Variants in ANKRD44 observed in about 807,000 individuals in gnomAD.
The protein encoded by ANKRD44 is serine/threonine-protein phosphatase 6 regulatory ankyrin repeat subunit B.
ANKRD44 carries 35 observed loss-of-function variants against 116.0 expected under a neutral mutation model. That is an observed-to-expected ratio of 0.30 (90% CI 0.23 to 0.40). The LOEUF (loss-of-function observed/expected upper bound fraction) is 0.40. ANKRD44 is among the 10% of genes least tolerant of loss of function. ANKRD44 has a pLI of 1.00. For synonymous variants in ANKRD44, 435 were observed against 461.8 expected (o/e 0.94, Z 0.74); for missense variants, 1,014 against 1,242.6 (o/e 0.82, Z 2.77).
At chr2:197,103,478 T>C (rs1574462259) in intron 9 of ANKRD44, among the ~76,000 whole-genome samples, 1 of 152,124 alleles carries the variant, frequency 6.6e-6, no homozygotes, top group Non-Finnish European at 1.5e-5. Flanking sequence ...GAAAACAGCC[T>C]GAACAAATTC....
At chr2:196,967,192 C>CCTT (rs1435056886) in exon 22 of ANKRD44, 1 of 228,350 alleles carries the variant, frequency 4.4e-6, no homozygotes, top group Non-Finnish European at 9.4e-6. Flanking sequence ...AACACCCTTG[C>CCTT]CTTCTGTTTT....
At chr2:196,997,924 C>T (rs1034374313) in intron 25 of ANKRD44, among the ~76,000 whole-genome samples, 2 of 152,118 alleles carry the variant, frequency 1.3e-5, no homozygotes, top group African/African-American at 4.8e-5. Flanking sequence ...GGCTGTGTTA[C>T]TACAATGTCT....
chr2:197,056,965 C>T (rs573888673), intron 16 of ANKRD44, among the ~76,000 whole-genome samples: 2 of 152,278 alleles, frequency 1.3e-5, no homozygotes, highest in African/African-American at 2.4e-5. Context: ...ACATTATTGG[C>T]GGGCCATTCT....
chr2:197,218,049 T>C (rs2081491385), intron 1 of ANKRD44, among the ~76,000 whole-genome samples: 1 of 151,988 alleles, frequency 6.6e-6, no homozygotes, highest in Non-Finnish European at 1.5e-5. Flanking sequence ...AAGATGAAAA[T>C]ACTAGAATAA....
intron 2 of ANKRD44, among the ~76,000 whole-genome samples, chr2:197,152,092 T>C (rs1324444200): frequency 6.6e-6 from 1 of 152,190 alleles, no homozygotes; most frequent in Non-Finnish European, 1.5e-5. Context: ...GCCTCTATCT[T>C]ACAGGCTGGC....
At position 197,001,781 on chromosome 2, in the gene ANKRD44, T is replaced by G. The variant is rs541599843; in HGVS notation, c.2407A>C (p.Asn803His). Residue 803 changes from asparagine (N) to histidine (H), a missense_variant, in exon 22 of 28, where the codon AAT (asparagine) becomes CAT (histidine). By Grantham distance (68) the Asn-to-His change is moderately conservative. Transcript: ENST00000282272. ...GCACAGTGCAGTGGAGTAAAGGGAT[T>G]ACCGATAAATTTGCGAAAACATTTT... ...EQKCFRKFIG[N>H]PFTPLHCAII... The G allele has an allele frequency of 2.5e-6, 4 of 1,613,506 alleles. No individual in the cohort carries two copies. Among genetic ancestry groups the G allele is most frequent in the Admixed American group, 1.7e-5 (1 of 60,024 alleles).
chr2:196,996,317 A>C (rs562109371), intron 25 of ANKRD44, among the ~76,000 whole-genome samples: 1 of 152,376 alleles, frequency 6.6e-6, no homozygotes, highest in African/African-American at 2.4e-5. Context: ...AATAAACTTC[A>C]TAAGGCTGAG....
chr2:197,274,020 T>TAG, intron 1 of ANKRD44, among the ~76,000 whole-genome samples: 1 of 82,466 alleles, frequency 1.2e-5, no homozygotes, highest in African/African-American at 4.3e-5. Flanking sequence ...TATATATATA[T>TAG]ATATATATGA....
At chr2:197,137,952 A>T (rs906114748) in intron 3 of ANKRD44, among the ~76,000 whole-genome samples, 2 of 152,178 alleles carry the variant, frequency 1.3e-5, no homozygotes, top group African/African-American at 2.4e-5. Flanking sequence ...GGCCTCAGTA[A>T]CAGGAAGCTG....
In ANKRD44 at chr2:197,023,706, A is replaced by T. The variant is rs371421951; in HGVS notation, c.1722+1490T>A. Among the ~76,000 whole-genome samples the T allele has an allele frequency of 1.1e-4, 17 of 152,296 alleles. No homozygotes were observed. In the East Asian group the frequency reaches 2.9e-3, roughly 26 times the overall value. On this transcript the variant is annotated intron_variant, in intron 17 of 27. Coordinates refer to ENST00000282272, the MANE Select transcript of ANKRD44 (RefSeq NM_001195144.2). The stretch of plus-strand genomic sequence containing the variant: ...AGAATTGTATCTGAGATAACCCTCC[A>T]CATAAGACTCTCTAGGGGCAGTTAG...
intron 1 of ANKRD44, among the ~76,000 whole-genome samples, chr2:197,228,541 C>G (rs2081775063): frequency 6.6e-6 from 1 of 152,214 alleles, no homozygotes; most frequent in South Asian, 2.1e-4. Flanking sequence ...CCTCACATTT[C>G]TGTCACAGGC....
Position 197,111,409 on chromosome 2 carries a change from A to T in ANKRD44, c.907-565T>A, listed in dbSNP as rs189294678. 9.2e-5 allele frequency among the ~76,000 whole-genome samples: 14 copies of T among 152,302 alleles called. No homozygotes were observed. In the East Asian group the frequency reaches 2.7e-3, roughly 29 times the overall value. On this transcript the variant is annotated intron_variant, in intron 8 of 27. Transcript: ENST00000282272. ...TGTAATCCCAGCACTTTGGGAGGCC[A>T]AGGCAGGTGGATCGTTTGAGATAGT...
At chr2:197,066,499 T>C (rs186606990) in intron 16 of ANKRD44, among the ~76,000 whole-genome samples, 112 of 152,288 alleles carry the variant, frequency 7.4e-4, no homozygotes, top group African/African-American at 2.3e-3. Context: ...GAAGTCAAAT[T>C]GTCTCTGTTT....
chr2:197,056,075 C>A (rs894487653), intron 16 of ANKRD44, among the ~76,000 whole-genome samples: 2 of 152,104 alleles, frequency 1.3e-5, no homozygotes, highest in African/African-American at 4.8e-5. Context: ...TTTCTAGAGA[C>A]AGGGTCTCAC....
intron 14 of ANKRD44, 49 bp from the exon 15 acceptor site, chr2:197,081,774 TGGC>T (rs1334797148): frequency 1.7e-5 from 25 of 1,460,926 alleles, no homozygotes; most frequent in Non-Finnish European, 2.4e-5. Context: ...ATTTTTTAAA[TGGC>T]AAAGCTGTTA....
chr2:197,133,076 G>A (rs894100319), intron 4 of ANKRD44, among the ~76,000 whole-genome samples: 18 of 152,194 alleles, frequency 1.2e-4, no homozygotes, highest in African/African-American at 3.9e-4. Flanking sequence ...CTGGTATGCT[G>A]TTGGGCACCA....
intron 8 of ANKRD44, among the ~76,000 whole-genome samples, chr2:197,112,969 G>GT (rs1366478859): frequency 1.8e-5 from 2 of 114,114 alleles, no homozygotes; most frequent in African/African-American, 6.3e-5. Flanking sequence ...AATTAGAACG[G>GT]TAAGTTCATC....
intron 19 of ANKRD44, 94 bp from the exon 20 acceptor site, chr2:197,008,017 T>A: frequency 1.3e-6 from 1 of 798,978 alleles, no homozygotes. Context: ...CCCATTCTCT[T>A]CCCCTCTCCT....
At chr2:197,055,370 C>T (rs1253192695) in intron 16 of ANKRD44, among the ~76,000 whole-genome samples, 1 of 152,000 alleles carries the variant, frequency 6.6e-6, no homozygotes, top group African/African-American at 2.4e-5. Flanking sequence ...AGACCTTTTT[C>T]ATATATATGT....
Sources: gnomAD v4.1 joint callset for allele counts (sites outside exome capture counted in the v4.1 genomes callset) on GRCh38, gnomAD v4.1.1 for gene constraint, MANE v1.5 for transcripts, NCBI Gene and HGNC (gene_info 2026-07-23, HGNC 2026-07-21) for gene names.